The following MAGI2 variants were observed in gnomAD, a reference collection of about 807,000 sequenced individuals.
MAGI2 encodes membrane-associated guanylate kinase, WW and PDZ domain-containing protein 2.
MAGI2 carries 35 observed loss-of-function variants against 133.3 expected under a neutral mutation model. The observed-to-expected ratio is 0.26, with a 90% CI of 0.20 to 0.35. The LOEUF is 0.35. MAGI2 is among the 10% of genes least tolerant of loss of function. The probability of loss-of-function intolerance (pLI) is 1.00; values close to 1 mark genes in which losing one functional copy is unlikely to be tolerated. For missense variants in MAGI2, 1,636 were observed against 1,863.4 expected (o/e 0.88, Z 2.25); for synonymous variants, 729 against 710.6 (o/e 1.03, Z -0.41).
intron 1 of MAGI2, among the ~76,000 whole-genome samples, chr7:79,040,667 T>A (rs542822233): frequency 6.6e-5 from 10 of 152,254 alleles, no homozygotes; most frequent in Non-Finnish European, 1.2e-4. Context: ...CCTCATGCTG[T>A]TCTCATGATA....
chr7:78,534,810 T>C (rs1003654387), intron 3 of MAGI2, among the ~76,000 whole-genome samples: 1 of 151,952 alleles, frequency 6.6e-6, no homozygotes, highest in Non-Finnish European at 1.5e-5. Flanking sequence ...GGCTCCTCCA[T>C]AGCACTGATG....
At chr7:78,930,979 T>A (rs1434530965) in intron 2 of MAGI2, among the ~76,000 whole-genome samples, 10 of 152,072 alleles carry the variant, frequency 6.6e-5, no homozygotes, top group Admixed American at 6.6e-4. Context: ...ATTTTGCTAT[T>A]TAGGAGGATG....
At chr7:78,188,331 C>A (rs756864283) in intron 12 of MAGI2, among the ~76,000 whole-genome samples, 7 of 152,094 alleles carry the variant, frequency 4.6e-5, no homozygotes, top group Non-Finnish European at 1.0e-4. Flanking sequence ...ATCAATATAA[C>A]GGCAAAGTAA....
chr7:78,457,651 A>G (rs1789463621), intron 6 of MAGI2, among the ~76,000 whole-genome samples: 1 of 152,196 alleles, frequency 6.6e-6, no homozygotes, highest in Non-Finnish European at 1.5e-5. Context: ...CAACACTTGC[A>G]CAGACCTTTC....
At chr7:79,397,764 C>T (rs936412508) in intron 1 of MAGI2, among the ~76,000 whole-genome samples, 1 of 152,040 alleles carries the variant, frequency 6.6e-6, no homozygotes, top group Non-Finnish European at 1.5e-5. Context: ...ATTCTGCCTC[C>T]CCCTCCAACC....
chr7:78,792,711 A>G lies in MAGI2; in HGVS notation c.419-165472T>C, dbSNP rs150783743. On this transcript the variant is annotated intron_variant, in intron 2 of 21. Coordinates refer to ENST00000354212, the MANE Select transcript of MAGI2 (RefSeq NM_012301.4). ...ATATTGATATTCTACTGTGGATTGC[A>G]CAAGTGTAAGTGGTTAACTGAAAAA... is the stretch of plus-strand genomic sequence containing the variant. Among the ~76,000 whole-genome samples, 1,095 of 152,302 alleles carry G rather than the reference A, an allele frequency of 7.2e-3. 38 individuals carry two copies. The highest frequency in any genetic ancestry group is 0.049 in the Admixed American group (744 of 15,294).
intron 2 of MAGI2, among the ~76,000 whole-genome samples, chr7:78,814,208 G>T (rs527781969): frequency 6.6e-6 from 1 of 152,306 alleles, no homozygotes; most frequent in East Asian, 1.9e-4. Flanking sequence ...ACCTCCTGGA[G>T]TTTATGCCTT....
chr7:79,388,464 G>A (rs955532316), intron 1 of MAGI2, among the ~76,000 whole-genome samples: 7 of 151,842 alleles, frequency 4.6e-5, no homozygotes, highest in Admixed American at 2.0e-4. Context: ...CTTTTATCAC[G>A]TAAGTTATTC....
At chr7:79,228,881 G>C (rs902020772) in intron 1 of MAGI2, among the ~76,000 whole-genome samples, 1 of 152,126 alleles carries the variant, frequency 6.6e-6, no homozygotes, top group Non-Finnish European at 1.5e-5. Flanking sequence ...ATTGGAAGCG[G>C]AGTAGGGGCA....
intron 1 of MAGI2, among the ~76,000 whole-genome samples, chr7:79,351,350 A>C (rs2129109933): frequency 6.6e-6 from 1 of 152,290 alleles, no homozygotes; most frequent in East Asian, 1.9e-4. Flanking sequence ...CACAAACTTT[A>C]ATGACTTATA....
At chr7:79,232,018 G>A (rs1273657266) in intron 1 of MAGI2, among the ~76,000 whole-genome samples, 1 of 152,060 alleles carries the variant, frequency 6.6e-6, no homozygotes, top group Non-Finnish European at 1.5e-5. Flanking sequence ...GTTGAATTTT[G>A]TCAAAGGCTT....
chr7:78,057,293 A>G (rs184772655), intron 21 of MAGI2, among the ~76,000 whole-genome samples: 407 of 152,034 alleles, frequency 2.7e-3, no homozygotes, highest in Non-Finnish European at 4.7e-3. Context: ...CCCAGGTTGG[A>G]GTGCAATAGT....
chr7:78,118,971 G>C (rs537152008), intron 20 of MAGI2, among the ~76,000 whole-genome samples: 1 of 152,290 alleles, frequency 6.6e-6, no homozygotes, highest in Admixed American at 6.5e-5. Context: ...ATATTATTCA[G>C]CACTAAAAGA....
At chr7:78,564,269 T>C (rs949223085) in intron 3 of MAGI2, among the ~76,000 whole-genome samples, 2 of 152,188 alleles carry the variant, frequency 1.3e-5, no homozygotes, top group Non-Finnish European at 2.9e-5. Flanking sequence ...TTTAGTATTA[T>C]AGGCATTAAT....
rs150929805 is a variant in MAGI2 at position 79,198,334 on chromosome 7, C to T, written c.302-191128G>A. Among the ~76,000 whole-genome samples the T allele has an allele frequency of 7.1e-4, 108 of 151,874 alleles. 1 individual carries two copies. The highest frequency in any genetic ancestry group is 1.3e-3 in the Non-Finnish European group (90 of 67,986). On this transcript the variant is annotated intron_variant, in intron 1 of 21. Coordinates refer to ENST00000354212, the MANE Select transcript of MAGI2 (RefSeq NM_012301.4). ...CACATTAGTACAGTGCTGCCATTTG[C>T]ACAGGTTCCCTCTCCTGTCCTTTTT...
chr7:78,345,722 C>T, intron 8 of MAGI2, 200 bp downstream of exon 8: 1 of 658,204 alleles, frequency 1.5e-6, no homozygotes, highest in South Asian at 2.0e-5. Context: ...TAAAGTACTG[C>T]CTGTGGCTAT....
intron 9 of MAGI2, among the ~76,000 whole-genome samples, chr7:78,306,236 G>C (rs798280): frequency 0.68 from 103,565 of 152,000 alleles, 35,932 homozygotes; most frequent in African/African-American, 0.8. Context: ...GTTGGATTTT[G>C]TTTTATTTTC....
chr7:78,952,013 T>C (rs776030938), intron 2 of MAGI2, among the ~76,000 whole-genome samples: 1 of 152,202 alleles, frequency 6.6e-6, no homozygotes, highest in African/African-American at 2.4e-5. Flanking sequence ...CTAAAGTTTT[T>C]CAATGGCTCT....
intron 2 of MAGI2, among the ~76,000 whole-genome samples, chr7:78,789,449 A>G (rs1209944476): frequency 6.6e-6 from 1 of 152,212 alleles, no homozygotes; most frequent in Non-Finnish European, 1.5e-5. Context: ...ATTGCCTGCC[A>G]TGATGATTTC....
Sources: allele counts gnomAD v4.1 joint callset (sites outside exome capture counted in the v4.1 genomes callset), GRCh38; gene constraint gnomAD v4.1.1; transcripts MANE v1.5; gene names NCBI Gene and HGNC (gene_info 2026-07-23, HGNC 2026-07-21).